Variants in NRCAM observed in about 807,000 individuals in gnomAD.
NRCAM encodes the protein NgCAM-related cell adhesion molecule.
A neutral mutation model predicts 156.5 loss-of-function variants in NRCAM; 83 were observed. That is an observed-to-expected ratio of 0.53 (90% CI 0.44 to 0.64). The LOEUF is 0.64. Ranked by LOEUF, NRCAM falls within the 30% of genes least tolerant of loss-of-function variation. The probability of loss-of-function intolerance (pLI) is 0.00; values close to 1 mark genes in which losing one functional copy is unlikely to be tolerated. For synonymous variants in NRCAM, 538 were observed against 563.9 expected (o/e 0.95, Z 0.65); for missense variants, 1,417 against 1,597.3 (o/e 0.89, Z 1.92).
intron 25 of NRCAM, 154 bp from the exon 26 acceptor site, chr7:108,178,266 G>A: frequency 1.6e-6 from 1 of 634,924 alleles, no homozygotes; most frequent in Non-Finnish European, 2.7e-6. Flanking sequence ...ACCTGTGACA[G>A]GCACCCATTT....
intron 3 of NRCAM, among the ~76,000 whole-genome samples, chr7:108,294,972 T>G (rs1050779087): frequency 6.6e-6 from 1 of 152,172 alleles, no homozygotes; most frequent in African/African-American, 2.4e-5. Flanking sequence ...TGAAAAACGT[T>G]TTGTCTATAG....
intron 2 of NRCAM, among the ~76,000 whole-genome samples, chr7:108,365,684 T>A (rs1019355134): frequency 1.3e-5 from 2 of 152,150 alleles, no homozygotes; most frequent in African/African-American, 2.4e-5. Flanking sequence ...TGGTTCCACA[T>A]AAGAAAACCT....
intron 1 of NRCAM, among the ~76,000 whole-genome samples, chr7:108,401,216 C>T (rs1167091848): frequency 2.6e-5 from 4 of 151,854 alleles, no homozygotes; most frequent in South Asian, 2.1e-4. Context: ...CCAGCCTGGG[C>T]GACAGAGCAA....
intron 2 of NRCAM, among the ~76,000 whole-genome samples, chr7:108,331,237 T>C (rs1173748172): frequency 6.6e-6 from 1 of 151,746 alleles, no homozygotes; most frequent in Non-Finnish European, 1.5e-5. Context: ...CGTCTCTATA[T>C]AAAAAAGAAA....
intron 3 of NRCAM, among the ~76,000 whole-genome samples, chr7:108,291,786 T>A (rs1370388661): frequency 6.6e-6 from 1 of 152,174 alleles, no homozygotes; most frequent in Non-Finnish European, 1.5e-5. Context: ...AACCTGACTA[T>A]AATCTTAAAC....
At chr7:108,166,538 G>A (rs1394992601) in intron 30 of NRCAM, among the ~76,000 whole-genome samples, 2 of 151,966 alleles carry the variant, frequency 1.3e-5, no homozygotes, top group Admixed American at 6.6e-5. Context: ...GTGAGCTACC[G>A]CGCCCGGCCA....
intron 3 of NRCAM, among the ~76,000 whole-genome samples, chr7:108,286,269 C>T (rs562258382): frequency 6.6e-6 from 1 of 152,212 alleles, no homozygotes; most frequent in Non-Finnish European, 1.5e-5. Flanking sequence ...CAGTAGTTTG[C>T]AATCCACTGT....
At chr7:108,377,262 C>T (rs2099680087) in intron 2 of NRCAM, among the ~76,000 whole-genome samples, 1 of 152,126 alleles carries the variant, frequency 6.6e-6, no homozygotes, top group Non-Finnish European at 1.5e-5. Context: ...AATACAAACA[C>T]ACACACAAAA....
In NRCAM at chr7:108,326,813, G is replaced by A. The variant is rs565497560; in HGVS notation, c.-173-14082C>T. Among the ~76,000 whole-genome samples the A allele has an allele frequency of 3.0e-3, 457 of 152,256 alleles. 3 individuals are homozygous for A. The highest frequency in any genetic ancestry group is 5.0e-3 in the Non-Finnish European group (338 of 68,016). On this transcript the variant is annotated intron_variant, in intron 2 of 32. Transcript: ENST00000379028. ...TATTTATAATTCACAGTGGCCTGTG[G>A]TGATGATGCATAGCAAATTTCTCAA...
chr7:108,427,191 C>T (rs1818433758), intron 1 of NRCAM, among the ~76,000 whole-genome samples: 1 of 152,154 alleles, frequency 6.6e-6, no homozygotes, highest in Admixed American at 6.5e-5. Context: ...ACCCTTGCAA[C>T]CTCCAGGGAT....
chr7:108,155,106 A>G (rs1310073189), intron 32 of NRCAM, among the ~76,000 whole-genome samples: 2 of 106,242 alleles, frequency 1.9e-5, no homozygotes, highest in Non-Finnish European at 3.7e-5. Context: ...ATATATACAC[A>G]CACACACACA....
chr7:108,285,210 C>A, intron 3 of NRCAM, among the ~76,000 whole-genome samples: 1 of 151,912 alleles, frequency 6.6e-6, no homozygotes, highest in Admixed American at 6.6e-5. Flanking sequence ...ATGTCTTCCA[C>A]ATGCCTGCAA....
chr7:108,276,832 G>A (rs895965899), intron 3 of NRCAM, among the ~76,000 whole-genome samples: 1 of 152,152 alleles, frequency 6.6e-6, no homozygotes, highest in Non-Finnish European at 1.5e-5. Context: ...TCATAGCGTT[G>A]ATGGTCTTTA....
At chr7:108,381,383 C>CT (rs1374065991) in intron 2 of NRCAM, among the ~76,000 whole-genome samples, 2 of 152,062 alleles carry the variant, frequency 1.3e-5, no homozygotes, top group Non-Finnish European at 2.9e-5. Flanking sequence ...ACTGCATAGT[C>CT]TAATTATATC....
intron 23 of NRCAM, among the ~76,000 whole-genome samples, chr7:108,182,150 G>GA (rs1389389727): frequency 1.3e-5 from 2 of 150,944 alleles, no homozygotes; most frequent in African/African-American, 4.9e-5. Context: ...GCCCAGGCTA[G>GA]ACTCAAATTC....
intron 28 of NRCAM, among the ~76,000 whole-genome samples, chr7:108,172,146 T>C (rs1003111161): frequency 2.6e-5 from 4 of 152,226 alleles, no homozygotes; most frequent in African/African-American, 7.2e-5. Context: ...CCAGATTACA[T>C]GCAATGGATA....
intron 28 of NRCAM, among the ~76,000 whole-genome samples, chr7:108,168,762 C>T (rs1472033448): frequency 6.6e-6 from 1 of 152,142 alleles, no homozygotes; most frequent in Non-Finnish European, 1.5e-5. Flanking sequence ...CAGGGACAGA[C>T]GTCATCATGG....
chr7:108,222,836 T>C (rs530427207), intron 11 of NRCAM, among the ~76,000 whole-genome samples: 1 of 152,288 alleles, frequency 6.6e-6, no homozygotes, highest in South Asian at 2.1e-4. Context: ...CCAATGGTGT[T>C]TGCTCTGTGT....
intron 3 of NRCAM, among the ~76,000 whole-genome samples, chr7:108,280,763 G>A (rs2097827542): frequency 6.6e-6 from 1 of 152,184 alleles, no homozygotes; most frequent in Non-Finnish European, 1.5e-5. Flanking sequence ...AGACACAAAT[G>A]CCACCTTAAT....
Sources: gnomAD v4.1 joint callset for allele counts (sites outside exome capture counted in the v4.1 genomes callset) on GRCh38, gnomAD v4.1.1 for gene constraint, MANE v1.5 for transcripts, NCBI Gene and HGNC (gene_info 2026-07-23, HGNC 2026-07-21) for gene names.